Variants in PRKG1 observed in about 807,000 individuals in gnomAD.
PRKG1 encodes cGMP-dependent protein kinase 1.
PRKG1 carries 35 observed loss-of-function variants against 88.1 expected under a neutral mutation model. The observed-to-expected ratio is 0.40, with a 90% CI of 0.30 to 0.53. The LOEUF is 0.53. Ranked by LOEUF, PRKG1 falls within the 20% of genes least tolerant of loss-of-function variation. The pLI is 0.59. For missense variants in PRKG1, 540 were observed against 839.8 expected (o/e 0.64, Z 4.41); for synonymous variants, 303 against 292.5 (o/e 1.04, Z -0.37).
chr10:51,787,095 A>G (rs549314092), intron 3 of PRKG1, among the ~76,000 whole-genome samples: 3 of 152,306 alleles, frequency 2.0e-5, no homozygotes, highest in East Asian at 1.9e-4. Context: ...GATGAGCTCT[A>G]TAGCTGAACC....
rs1259187968 is a variant in PRKG1 at position 52,293,999 on chromosome 10, G to A, written c.*99G>A. 10 of 985,584 alleles carry A rather than the reference G, an allele frequency of 1.0e-5. No individual in the cohort carries two copies. The highest frequency in any genetic ancestry group is 1.5e-5 in the South Asian group (1 of 66,836). The allele number at this position is 985,584 out of a possible 1,614,324, so 61.1% of individuals were successfully genotyped here. The stretch of plus-strand genomic sequence containing the variant: ...GAAAGAGAGAAGATTAGTGCTCGGG[G>A]TCACCATGATGCCTTTGATCGATGC... On this transcript the variant is annotated 3_prime_UTR_variant, in exon 18 of 18. Transcript: ENST00000373980.
intron 7 of PRKG1, among the ~76,000 whole-genome samples, chr10:52,116,544 G>A (rs527952524): frequency 2.0e-5 from 3 of 152,066 alleles, no homozygotes; most frequent in East Asian, 3.9e-4. Flanking sequence ...TCGAAAGAAT[G>A]TTTTTCTAAT....
intron 1 of PRKG1, among the ~76,000 whole-genome samples, chr10:51,012,155 G>T (rs1458408644): frequency 6.6e-6 from 1 of 152,194 alleles, no homozygotes; most frequent in Non-Finnish European, 1.5e-5. Flanking sequence ...TATTGCATGG[G>T]TTCTGCATGG....
chr10:52,037,184 G>T (rs1355841738), intron 5 of PRKG1, among the ~76,000 whole-genome samples: 2 of 152,336 alleles, frequency 1.3e-5, no homozygotes, highest in East Asian at 3.9e-4. Context: ...ATCCCGGGCT[G>T]CAGGCATTCC....
intron 7 of PRKG1, among the ~76,000 whole-genome samples, chr10:52,085,529 G>A (rs1055333228): frequency 6.6e-6 from 1 of 151,774 alleles, no homozygotes; most frequent in Non-Finnish European, 1.5e-5. Flanking sequence ...CTTTTGACAT[G>A]CCCACATCAT....
intron 2 of PRKG1, among the ~76,000 whole-genome samples, chr10:51,177,351 A>G (rs1837222074): frequency 6.6e-6 from 1 of 152,230 alleles, no homozygotes; most frequent in African/African-American, 2.4e-5. Context: ...GTAAGATCTA[A>G]GTAACTCTTT....
chr10:51,408,988 C>T (rs1180849728), intron 2 of PRKG1, among the ~76,000 whole-genome samples: 1 of 152,180 alleles, frequency 6.6e-6, no homozygotes, highest in Non-Finnish European at 1.5e-5. Context: ...TCTTCCAAGT[C>T]CCTGACCATC....
intron 9 of PRKG1, among the ~76,000 whole-genome samples, chr10:52,196,717 TG>T (rs1839515569): frequency 6.6e-6 from 1 of 152,134 alleles, no homozygotes; most frequent in South Asian, 2.1e-4. Flanking sequence ...TGGGGATTTG[TG>T]GGCAGATAGG....
At chr10:51,483,068 A>C (rs1488048187) in intron 3 of PRKG1, among the ~76,000 whole-genome samples, 1 of 137,766 alleles carries the variant, frequency 7.3e-6, no homozygotes, top group Non-Finnish European at 1.5e-5. Flanking sequence ...GCTGGAATGC[A>C]GTGATTCAAT....
At chr10:51,073,297 G>A (rs897639282), upstream of PRKG1, among the ~76,000 whole-genome samples, 29 of 152,154 alleles carry the variant, frequency 1.9e-4, no homozygotes, top group Non-Finnish European at 3.1e-4. Flanking sequence ...ACTGCAGCCT[G>A]CGTGGTCTCC....
At chr10:51,385,331 G>A (rs1364947296) in intron 2 of PRKG1, among the ~76,000 whole-genome samples, 1 of 152,102 alleles carries the variant, frequency 6.6e-6, no homozygotes, top group Admixed American at 6.5e-5. Context: ...AAAGACAAGT[G>A]AAAATAAACA....
chr10:52,001,511 C>A (rs559765264), intron 5 of PRKG1, among the ~76,000 whole-genome samples: 4 of 151,720 alleles, frequency 2.6e-5, no homozygotes, highest in Non-Finnish European at 5.9e-5. Context: ...CTCAGTAAAA[C>A]TTGTTGAAAA....
At chr10:51,235,817 A>T (rs1838971482) in intron 2 of PRKG1, among the ~76,000 whole-genome samples, 1 of 152,188 alleles carries the variant, frequency 6.6e-6, no homozygotes, top group Admixed American at 6.5e-5. Context: ...ATGTAAAGCA[A>T]TTTAGAAAAA....
At chr10:51,433,089 T>G (rs955636568) in intron 2 of PRKG1, among the ~76,000 whole-genome samples, 4 of 152,164 alleles carry the variant, frequency 2.6e-5, no homozygotes, top group Admixed American at 1.3e-4. Flanking sequence ...GGATTCTTGA[T>G]GCATGTCTTC....
In PRKG1 at chr10:51,287,775, A is replaced by G. The variant is rs548808705; in HGVS notation, c.478+134445A>G. On this transcript the variant is annotated intron_variant, in intron 2 of 17. Transcript: ENST00000373980. ...ATATATCTAAACAGTTATCCTCCACAGTTATTAAACTAAGAGATTTTATTA... is the reference window on the plus strand; with the variant it reads ...ATATATCTAAACAGTTATCCTCCACGGTTATTAAACTAAGAGATTTTATTA... Among the ~76,000 whole-genome samples the G allele has an allele frequency of 9.8e-5, 15 of 152,294 alleles. No individual in the cohort carries two copies. The East Asian group carries it at 2.9e-3, about 29-fold the overall frequency.
chr10:51,470,245 A>G (rs543650408), intron 3 of PRKG1, among the ~76,000 whole-genome samples: 1 of 152,032 alleles, frequency 6.6e-6, no homozygotes, highest in African/African-American at 2.4e-5. Flanking sequence ...ATTCAAGATT[A>G]TATCAACTTG....
At chr10:51,717,292 A>T (rs1000798073) in intron 3 of PRKG1, among the ~76,000 whole-genome samples, 6 of 152,178 alleles carry the variant, frequency 3.9e-5, no homozygotes, top group African/African-American at 1.4e-4. Flanking sequence ...GCTCTGAGTA[A>T]CAGCTTAGGC....
chr10:52,074,644 G>A lies in PRKG1; in HGVS notation c.935+12013G>A, dbSNP rs190980519. 7.2e-3 allele frequency among the ~76,000 whole-genome samples: 1,092 copies of A among 152,218 alleles called. 7 individuals carry two copies. The highest frequency in any genetic ancestry group is 9.7e-3 in the Non-Finnish European group (663 of 68,000). On this transcript the variant is annotated intron_variant, in intron 7 of 17. Coordinates refer to ENST00000373980, the MANE Select transcript of PRKG1 (RefSeq NM_006258.4). Reference sequence around the variant, plus strand: ...TCTCTGTCATTCTCATTCCTTCCAAGTCTAAATGATTGCTTCTTAATTTTT... The same window carrying A: ...TCTCTGTCATTCTCATTCCTTCCAAATCTAAATGATTGCTTCTTAATTTTT...
chr10:52,243,425 G>C (rs940119539), intron 9 of PRKG1, among the ~76,000 whole-genome samples: 1 of 151,982 alleles, frequency 6.6e-6, no homozygotes, highest in African/African-American at 2.4e-5. Context: ...AACATCTCCA[G>C]ATTAGTTCCT....
Sources: allele counts gnomAD v4.1 joint callset (sites outside exome capture counted in the v4.1 genomes callset), GRCh38; gene constraint gnomAD v4.1.1; transcripts MANE v1.5; gene names NCBI Gene and HGNC (gene_info 2026-07-23, HGNC 2026-07-21).